TDRD3: variants seen among roughly 807,000 people sequenced by gnomAD.
TDRD3 encodes the protein tudor domain containing 3.
TDRD3 carries 45 observed loss-of-function variants against 86.7 expected under a neutral mutation model. The ratio of observed to expected loss-of-function variants is 0.52; its 90% CI spans 0.41 to 0.67. The LOEUF (loss-of-function observed/expected upper bound fraction) is 0.67, where lower values mean the gene tolerates loss of function less well. Among genes scored for constraint, TDRD3 ranks in the 30% least tolerant of loss-of-function variants. TDRD3 has a pLI of 0.00. For synonymous variants in TDRD3, 298 were observed against 301.7 expected (o/e 0.99, Z 0.13); for missense variants, 814 against 889.0 (o/e 0.92, Z 1.07).
At chr13:60,485,294 A>G (rs961579528) in intron 6 of TDRD3, among the ~76,000 whole-genome samples, 2 of 151,968 alleles carry the variant, frequency 1.3e-5, no homozygotes, top group Non-Finnish European at 2.9e-5. Context: ...AGACAAAAAT[A>G]TAAAAACTTT....
chr13:60,534,140 G>A (rs912456037), intron 11 of TDRD3, among the ~76,000 whole-genome samples: 3 of 151,962 alleles, frequency 2.0e-5, no homozygotes, highest in African/African-American at 7.3e-5. Flanking sequence ...GCAATACCCT[G>A]TCTCTATGAA....
chr13:60,441,878 G>A (rs1040292372), intron 2 of TDRD3, among the ~76,000 whole-genome samples: 5 of 152,084 alleles, frequency 3.3e-5, no homozygotes, highest in African/African-American at 7.2e-5. Context: ...TGGGCTGCCC[G>A]CAAAGGTACC....
chr13:60,550,071 A>T (rs1264751839), intron 12 of TDRD3, among the ~76,000 whole-genome samples: 1 of 152,132 alleles, frequency 6.6e-6, no homozygotes, highest in Non-Finnish European at 1.5e-5. Context: ...GTAAATGTTC[A>T]AAAAAGAACC....
At chr13:60,404,579 G>A (rs899117039) in intron 1 of TDRD3, among the ~76,000 whole-genome samples, 5 of 150,784 alleles carry the variant, frequency 3.3e-5, no homozygotes, top group African/African-American at 1.2e-4. Context: ...CAAAGTGCTG[G>A]GATTACAGGC....
intron 12 of TDRD3, 72 bp from the exon 13 acceptor site, chr13:60,567,453 C>A (rs1958486286): frequency 6.3e-7 from 1 of 1,594,276 alleles, no homozygotes; most frequent in South Asian, 1.1e-5. Context: ...AAAATAGGGA[C>A]CATACAATTT....
At chr13:60,510,061 C>A in intron 9 of TDRD3, 142 bp downstream of exon 9, 1 of 925,818 alleles carries the variant, frequency 1.1e-6, no homozygotes. Context: ...GTTTGGGAAC[C>A]ATAGAGACAT....
At chr13:60,499,405 G>T (rs763630921) in intron 8 of TDRD3, among the ~76,000 whole-genome samples, 3 of 152,210 alleles carry the variant, frequency 2.0e-5, no homozygotes, top group Non-Finnish European at 2.9e-5. Context: ...CTCCATTCTG[G>T]TCCATAAGGT....
chr13:60,523,988 G>T (rs1169895032), intron 10 of TDRD3, among the ~76,000 whole-genome samples: 1 of 151,248 alleles, frequency 6.6e-6, no homozygotes, highest in African/African-American at 2.4e-5. Flanking sequence ...TTCCTTTGGG[G>T]TGATTTAAAA....
chr13:60,502,752 A>G (rs986909992), intron 8 of TDRD3, among the ~76,000 whole-genome samples: 1 of 152,136 alleles, frequency 6.6e-6, no homozygotes, highest in African/African-American at 2.4e-5. Flanking sequence ...TTATATATAT[A>G]GGTATGAGGC....
At chr13:60,397,831 G>C (rs1464143961) in intron 1 of TDRD3, among the ~76,000 whole-genome samples, 1 of 152,068 alleles carries the variant, frequency 6.6e-6, no homozygotes, top group East Asian at 1.9e-4. Context: ...GCGGCGGAGA[G>C]GGACGAACGC....
chr13:60,405,864 A>T (rs1434340545), intron 1 of TDRD3, among the ~76,000 whole-genome samples: 1 of 152,208 alleles, frequency 6.6e-6, no homozygotes, highest in Admixed American at 6.5e-5. Context: ...TATGAAATAG[A>T]TGGTGATGGT....
intron 4 of TDRD3, among the ~76,000 whole-genome samples, chr13:60,464,964 A>G (rs1168112643): frequency 1.3e-5 from 2 of 152,228 alleles, no homozygotes; most frequent in Admixed American, 1.3e-4. Context: ...TCGCAAAGAA[A>G]AGATAAATGT....
chr13:60,563,130 A>AG lies in TDRD3; in HGVS notation c.2119-4389dup, dbSNP rs543674577. The stretch of plus-strand genomic sequence containing the variant: ...GTAATCCCAGTTGCTCAGGAGGCTG[A>AG]GGGGGGAGAATCACTTGAACCTGGA... On this transcript the variant is annotated intron_variant, in intron 12 of 13. Coordinates refer to ENST00000377881, the MANE Select transcript of TDRD3 (RefSeq NM_001146070.2). Among the ~76,000 whole-genome samples the AG allele has an allele frequency of 7.3e-5, 11 of 151,136 alleles. No individual in the cohort carries two copies. The East Asian group carries it at 2.2e-3, about 30-fold the overall frequency.
intron 12 of TDRD3, among the ~76,000 whole-genome samples, chr13:60,553,556 A>T (rs887405141): frequency 2.6e-5 from 4 of 151,142 alleles, no homozygotes; most frequent in South Asian, 2.1e-4. Context: ...TTTTAAATAA[A>T]AAAAAAAAAA....
At chr13:60,490,483 A>T (rs1173002882) in intron 7 of TDRD3, among the ~76,000 whole-genome samples, 1 of 152,102 alleles carries the variant, frequency 6.6e-6, no homozygotes, top group Admixed American at 6.5e-5. Context: ...AATAGAGGTT[A>T]CCTTATGTAG....
Position 60,499,930 on chromosome 13 carries a change from A to G in TDRD3, c.858+5355A>G, listed in dbSNP as rs974035846. 6.6e-5 allele frequency among the ~76,000 whole-genome samples: 10 copies of G among 152,226 alleles called. 1 individual carries two copies. Among genetic ancestry groups the G allele is most frequent in the African/African-American group, 2.4e-4 (10 of 41,470 alleles). ...GTCCAGAACAGGAGAAGGCTCTGCA[A>G]CAGGTCCAGGCTGCTGTGCAAGCTG... On this transcript the variant is annotated intron_variant, in intron 8 of 13. Coordinates refer to ENST00000377881, the MANE Select transcript of TDRD3 (RefSeq NM_001146070.2).
chr13:60,507,288 G>A (rs1242770177), intron 8 of TDRD3, among the ~76,000 whole-genome samples: 2 of 152,024 alleles, frequency 1.3e-5, no homozygotes, highest in African/African-American at 2.4e-5. Context: ...TGAGGTCATC[G>A]AGACAGAAAA....
chr13:60,436,978 C>G (rs367979228), intron 1 of TDRD3, among the ~76,000 whole-genome samples: 9 of 150,594 alleles, frequency 6.0e-5, no homozygotes, highest in African/African-American at 2.2e-4. Context: ...TTGGAGCTCA[C>G]CAATTGAATT....
chr13:60,409,853 A>T (rs1232010708), intron 1 of TDRD3, among the ~76,000 whole-genome samples: 2 of 152,164 alleles, frequency 1.3e-5, no homozygotes, highest in Non-Finnish European at 2.9e-5. Flanking sequence ...TTGAAATGTG[A>T]GGGCATGAGA....
Sources: allele counts gnomAD v4.1 joint callset (sites outside exome capture counted in the v4.1 genomes callset), GRCh38; gene constraint gnomAD v4.1.1; transcripts MANE v1.5; gene names NCBI Gene and HGNC (gene_info 2026-07-23, HGNC 2026-07-21).